The following ARNT variants were observed in gnomAD, a reference collection of about 807,000 sequenced individuals.
ARNT encodes the protein class E basic helix-loop-helix protein 2.
ARNT carries 30 observed loss-of-function variants against 105.0 expected under a neutral mutation model. The observed-to-expected ratio is 0.29, with a 90% CI of 0.21 to 0.39. The LOEUF (loss-of-function observed/expected upper bound fraction) is 0.39, where lower values mean the gene tolerates loss of function less well. Ranked by LOEUF, ARNT falls within the 10% of genes least tolerant of loss-of-function variation. ARNT has a pLI of 1.00. For synonymous variants in ARNT, 304 were observed against 344.0 expected, an observed-to-expected ratio of 0.88 and a Z score of 1.29; for missense variants, 748 against 978.7, an observed-to-expected ratio of 0.76 and a Z score of 3.15.
At chr1:150,813,031 C>G in intron 21 of ARNT, 141 bp downstream of exon 21, 2 of 927,798 alleles carry the variant, frequency 2.2e-6, no homozygotes, top group Non-Finnish European at 3.2e-6. Flanking sequence ...ACAGTGATCC[C>G]TACATTTATC....
rs200007698 is a variant in ARNT, at chr1:150,846,482, AT to A, written c.183-176del. Among the ~76,000 whole-genome samples, 1,265 of 152,278 alleles carry A rather than the reference AT, an allele frequency of 8.3e-3. 24 individuals are homozygous for A. Among genetic ancestry groups the A allele is most frequent in the African/African-American group, 0.029 (1,219 of 41,550 alleles). ...CATAGAACTTAAAAGACCCACAACT[AT>A]TATTTGTCAGGTTTCTGGTATTTCC... On this transcript the variant is annotated intron_variant, in intron 3 of 21. Coordinates refer to ENST00000358595, the MANE Select transcript of ARNT (RefSeq NM_001668.4).
In ARNT at chr1:150,863,078, T is replaced by C. The variant is rs1007815439; in HGVS notation, c.26-4618A>G. Among the ~76,000 whole-genome samples the C allele has an allele frequency of 2.1e-5, 3 of 140,164 alleles. 1 individual carries two copies. Among genetic ancestry groups the C allele is most frequent in the African/African-American group, 8.0e-5 (3 of 37,362 alleles). The allele number at this position is 140,164 out of a possible 152,430, so 92.0% of individuals were successfully genotyped here. ...AAAAAAAAAAAAAAAAAGATTACCA[T>C]GGAGGCCAGGCACGGTGGCTGATGC... On this transcript the variant is annotated intron_variant, in intron 1 of 21. Coordinates refer to ENST00000358595, the MANE Select transcript of ARNT (RefSeq NM_001668.4).
At chr1:150,815,058 T>A (rs1299172251) in intron 19 of ARNT, among the ~76,000 whole-genome samples, 2 of 152,192 alleles carry the variant, frequency 1.3e-5, no homozygotes, top group Non-Finnish European at 2.9e-5. Context: ...CATGTTTGGA[T>A]AATTTCTTCC....
intron 11 of ARNT, chr1:150,829,527 T>C: frequency 1.7e-6 from 1 of 601,514 alleles, no homozygotes; most frequent in South Asian, 1.5e-5. Flanking sequence ...ATGGTACAAG[T>C]AACCAAGAAA....
Position 150,829,978 on chromosome 1 carries a change from C to T in ARNT, c.958G>A (p.Val320Ile), listed in dbSNP as rs1463021937. The change falls in exon 11 of 22, where the codon GTT (valine) becomes ATT (isoleucine). Residue 320 changes from valine to isoleucine, a missense_variant and splice_region_variant. Transcript: ENST00000358595. ...GYIKAWPPAG[V>I]SLPDDDPEAG... ...TCTGGGTCATCATCTGGGAGGGAAA[C>T]ACCTTCAGAAACGTGACGTTAAAAG... 3 of 1,614,214 alleles carry T rather than the reference C, an allele frequency of 1.9e-6. No homozygotes were observed. Among genetic ancestry groups the T allele is most frequent in the Non-Finnish European group, 2.5e-6 (3 of 1,180,026 alleles).
chr1:150,820,975 T>C (rs1656939260), intron 14 of ARNT, among the ~76,000 whole-genome samples: 1 of 152,214 alleles, frequency 6.6e-6, no homozygotes, highest in South Asian at 2.1e-4. Context: ...TAGCCTACTG[T>C]TGGCCAGAAG....
Position 150,839,447 on chromosome 1 carries a change from A to G in ARNT, c.480T>C (p.Thr160=), listed in dbSNP as rs2101948650. The G allele has an allele frequency of 6.2e-7, 1 of 1,614,206 alleles. No individual in the cohort carries two copies. The stretch of plus-strand genomic sequence containing the variant: ...AACTATAAGTCCCAGAGACCTGATC[A>G]GTGAGGAAAGACGGCTTATAGGAGC... The part of the protein sequence containing the change: ...TDGSYKPSFL[T]DQELKHLILE... The change falls in exon 6 of 22, where the codon ACT becomes ACC. Residue 160 remains threonine (T), a synonymous_variant. Coordinates refer to ENST00000358595, the MANE Select transcript of ARNT (RefSeq NM_001668.4).
In ARNT at chr1:150,809,788, A is replaced by C. The variant is rs780440044; in HGVS notation, c.*2233T>G. The C allele has an allele frequency of 2.3e-5, 5 of 219,916 alleles. No individual in the cohort carries two copies. The highest frequency in any genetic ancestry group is 4.6e-5 in the Non-Finnish European group (5 of 109,566). 13.6% of individuals were successfully genotyped at this position (219,916 alleles called of 1,614,324 possible). ...TCCAGATGTGCCCTAGTGGTTTTCA[A>C]GTCCCGACTCTTCCCCTCTCTCCCA... On this transcript the variant is annotated 3_prime_UTR_variant, in exon 22 of 22. Transcript: ENST00000358595.
intron 1 of ARNT, among the ~76,000 whole-genome samples, chr1:150,868,822 C>T (rs1037550697): frequency 2.6e-5 from 4 of 151,922 alleles, no homozygotes; most frequent in East Asian, 1.9e-4. Flanking sequence ...CGCTTAAACC[C>T]GGGAGGCAGA....
At chr1:150,815,471 C>T (rs1009975906) in intron 19 of ARNT, among the ~76,000 whole-genome samples, 14 of 151,392 alleles carry the variant, frequency 9.2e-5, no homozygotes, top group African/African-American at 3.4e-4. Flanking sequence ...ATGGCATGAA[C>T]CCAGGAAGCG....
At chr1:150,827,233 T>G (rs1335927460) in intron 12 of ARNT, among the ~76,000 whole-genome samples, 1 of 152,208 alleles carries the variant, frequency 6.6e-6, no homozygotes, top group Non-Finnish European at 1.5e-5. Flanking sequence ...GATTTGATGA[T>G]GTCTACTAAA....
intron 1 of ARNT, among the ~76,000 whole-genome samples, chr1:150,864,467 A>G (rs1666186853): frequency 6.6e-6 from 1 of 152,102 alleles, no homozygotes; most frequent in Admixed American, 6.5e-5. Context: ...TTGTAGGGAC[A>G]TGGACGAAAT....
intron 17 of ARNT, 27 bp from the exon 18 acceptor site, chr1:150,816,917 G>A: frequency 6.2e-7 from 1 of 1,605,630 alleles, no homozygotes; most frequent in Non-Finnish European, 8.5e-7. Context: ...GTTGGGGAAG[G>A]GCCAGTCAAG....
chr1:150,852,927 T>A, intron 2 of ARNT, 121 bp from the exon 3 acceptor site: 1 of 1,246,930 alleles, frequency 8.0e-7, no homozygotes, highest in Non-Finnish European at 1.1e-6. Flanking sequence ...AAAGAGGAAG[T>A]GGCAGAAGTC....
chr1:150,835,448 T>A (rs182197247), intron 7 of ARNT, among the ~76,000 whole-genome samples: 2 of 152,014 alleles, frequency 1.3e-5, no homozygotes, highest in African/African-American at 2.4e-5. Context: ...ACAAAAAATT[T>A]AAAAATTGGT....
At chr1:150,824,711 T>C (rs1657844958) in intron 13 of ARNT, among the ~76,000 whole-genome samples, 2 of 152,086 alleles carry the variant, frequency 1.3e-5, no homozygotes, top group African/African-American at 4.8e-5. Context: ...TGCCTTGGCC[T>C]CCCAAAGTGC....
At chr1:150,861,226 A>C (rs587675570) in intron 1 of ARNT, 193 of 332,448 alleles carry the variant, frequency 5.8e-4, no homozygotes, top group African/African-American at 3.9e-3. Context: ...TAAAAATAAA[A>C]CTGGGTGCAG....
chr1:150,831,656 CA>C, intron 10 of ARNT, 161 bp downstream of exon 10: 1 of 568,816 alleles, frequency 1.8e-6, no homozygotes, highest in Non-Finnish European at 3.1e-6. Context: ...AATAAAAGCT[CA>C]ATAATGGAAG....
intron 2 of ARNT, among the ~76,000 whole-genome samples, chr1:150,855,038 C>T (rs1419718547): frequency 6.6e-6 from 1 of 152,030 alleles, no homozygotes; most frequent in Non-Finnish European, 1.5e-5. Context: ...TCAAGTAATC[C>T]TCCTACCTCA....
Sources: gnomAD v4.1 joint callset for allele counts (sites outside exome capture counted in the v4.1 genomes callset) on GRCh38, gnomAD v4.1.1 for gene constraint, MANE v1.5 for transcripts, NCBI Gene and HGNC (gene_info 2026-07-23, HGNC 2026-07-21) for gene names.